The following DCBLD1 variants were observed in gnomAD, a reference collection of about 807,000 sequenced individuals.
DCBLD1 encodes the protein discoidin, CUB and LCCL domain-containing protein 1.
In DCBLD1, 57 loss-of-function variants were observed where a neutral mutation model predicts 71.5. The observed-to-expected ratio is 0.80, with a 90% CI of 0.64 to 0.99. The LOEUF is 0.99. Among genes scored for constraint, DCBLD1 ranks in the 50% least tolerant of loss-of-function variants. The pLI is 0.00. For missense variants in DCBLD1, 891 were observed against 923.5 expected (o/e 0.96, Z 0.46); for synonymous variants, 380 against 363.8 (o/e 1.04, Z -0.51).
At chr6:117,569,488 G>A in intron 14 of DCBLD1, 1 of 1,522,258 alleles carries the variant, frequency 6.6e-7, no homozygotes, top group South Asian at 1.3e-5. Flanking sequence ...TACTACTTTA[G>A]AAACTTCGTA....
At position 117,521,546 on chromosome 6, in the gene DCBLD1, G is replaced by A. The variant is rs1323940181; in HGVS notation, c.482G>A (p.Arg161Gln). The A allele has an allele frequency of 1.3e-6, 2 of 1,570,360 alleles. No homozygotes were observed. Among genetic ancestry groups the A allele is most frequent in the Admixed American group, 2.2e-5 (1 of 46,472 alleles). The part of the protein sequence containing the change: ...DHPDLITCLE[R>Q]ASHYLKTEYS... ...ACAGATTTAATAACATGTTTGGAACGAGCTAGCCATTATTTGAAGACAGAA... is the reference window on the plus strand; with the variant it reads ...ACAGATTTAATAACATGTTTGGAACAAGCTAGCCATTATTTGAAGACAGAA... The change falls in exon 4 of 15, where the codon CGA becomes CAA. Residue 161 changes from arginine to glutamine, a missense_variant. Coordinates refer to ENST00000338728, the MANE Select transcript of DCBLD1 (RefSeq NM_001366458.2).
At chr6:117,491,938 T>C (rs1317338292) in intron 1 of DCBLD1, among the ~76,000 whole-genome samples, 57 of 152,210 alleles carry the variant, frequency 3.7e-4, no homozygotes, top group Non-Finnish European at 2.5e-4. Flanking sequence ...TAAGTGTTTT[T>C]GGTAAAAGTA....
chr6:117,506,661 G>C lies in DCBLD1; in HGVS notation c.325+2682G>C, dbSNP rs558747681. ...TTTGTCTTTCAGTGGCTGGCGCTCA[G>C]AGAGTGGACATTCCTGTGCAGCTGT... On this transcript the variant is annotated intron_variant, in intron 2 of 14. Coordinates refer to ENST00000338728, the MANE Select transcript of DCBLD1 (RefSeq NM_001366458.2). Among the ~76,000 whole-genome samples, 7 of 152,364 alleles carry C rather than the reference G, an allele frequency of 4.6e-5. No individual in the cohort carries two copies. In the South Asian group the frequency reaches 1.4e-3, roughly 32 times the overall value.
intron 14 of DCBLD1, among the ~76,000 whole-genome samples, chr6:117,565,335 G>C (rs1241594137): frequency 6.6e-6 from 1 of 152,134 alleles, no homozygotes; most frequent in Non-Finnish European, 1.5e-5. Flanking sequence ...CTAAATGGAA[G>C]AGTATTTTAA....
intron 6 of DCBLD1, among the ~76,000 whole-genome samples, chr6:117,532,628 G>A (rs1283921168): frequency 6.6e-6 from 1 of 152,224 alleles, no homozygotes; most frequent in African/African-American, 2.4e-5. Context: ...ACACTCTGAA[G>A]CCCTGGGGCA....
chr6:117,505,847 G>A (rs144405769), intron 2 of DCBLD1, among the ~76,000 whole-genome samples: 50 of 152,214 alleles, frequency 3.3e-4, no homozygotes, highest in Middle Eastern at 6.8e-3. Context: ...AATTAGCTAC[G>A]TATCTCAAGC....
chr6:117,538,907 CG>C, intron 8 of DCBLD1, 72 bp downstream of exon 8: 2 of 1,463,128 alleles, frequency 1.4e-6, no homozygotes, highest in Non-Finnish European at 1.9e-6. Flanking sequence ...GTTGAAAATA[CG>C]CTTATTGTTT....
At chr6:117,514,237 A>G (rs891496348) in intron 2 of DCBLD1, among the ~76,000 whole-genome samples, 2 of 152,158 alleles carry the variant, frequency 1.3e-5, no homozygotes, top group South Asian at 2.1e-4. Context: ...CCAGTATTCA[A>G]CTCTTATCCC....
At chr6:117,514,366 A>C (rs1778122100) in intron 2 of DCBLD1, among the ~76,000 whole-genome samples, 1 of 152,118 alleles carries the variant, frequency 6.6e-6, no homozygotes, top group African/African-American at 2.4e-5. Context: ...CACTTTGAGG[A>C]GGCTGAGATG....
chr6:117,506,969 A>T (rs553395499), intron 2 of DCBLD1, among the ~76,000 whole-genome samples: 1 of 152,190 alleles, frequency 6.6e-6, no homozygotes, highest in Admixed American at 6.5e-5. Context: ...ATCCTGCCCG[A>T]TATTTTTTAT....
rs1400621283 is a variant in DCBLD1, at chr6:117,548,415, G to A, written c.2124G>A (p.Gln708=). Residue 708 remains glutamine (Q), a synonymous_variant, in exon 15 of 15, where the codon CAG becomes CAA. Coordinates refer to ENST00000338728, the MANE Select transcript of DCBLD1 (RefSeq NM_001366458.2). The part of the protein sequence containing the change: ...APRDCLTPLN[Q]TAMTALL ...GAGACTGCCTCACACCCCTCAACCA[G>A]ACGGCCATGACTGCCCTTTTGTGAA... 6.4e-7 allele frequency: 1 copy of A among 1,550,692 alleles called. No individual in the cohort carries two copies. Among genetic ancestry groups the A allele is most frequent in the Non-Finnish European group, 8.7e-7 (1 of 1,147,008 alleles).
intron 1 of DCBLD1, 59 bp from the exon 2 acceptor site, chr6:117,503,708 C>T: frequency 1.5e-5 from 23 of 1,565,876 alleles, no homozygotes; most frequent in Non-Finnish European, 2.0e-5. Flanking sequence ...GACTCTCAAT[C>T]CTCAGTAAGA....
intron 1 of DCBLD1, among the ~76,000 whole-genome samples, chr6:117,493,016 C>G (rs542419514): frequency 6.7e-4 from 102 of 152,130 alleles, no homozygotes; most frequent in Non-Finnish European, 2.8e-4. Flanking sequence ...GTTGCCTGTC[C>G]TAGACTTATA....
intron 1 of DCBLD1, among the ~76,000 whole-genome samples, chr6:117,489,753 C>T (rs1310072968): frequency 2.0e-5 from 3 of 152,102 alleles, no homozygotes; most frequent in African/African-American, 7.2e-5. Context: ...GGCGTGGTGG[C>T]GGGTGCCTGT....
At chr6:117,543,868 T>C (rs1371679016) in intron 12 of DCBLD1, among the ~76,000 whole-genome samples, 1 of 152,216 alleles carries the variant, frequency 6.6e-6, no homozygotes, top group Non-Finnish European at 1.5e-5. Flanking sequence ...TGTTTCCTTA[T>C]GTATAAAATA....
chr6:117,555,165 C>G (rs888319649), intron 14 of DCBLD1, among the ~76,000 whole-genome samples: 8 of 152,102 alleles, frequency 5.3e-5, no homozygotes, highest in African/African-American at 1.9e-4. Context: ...TCCTTGGGAA[C>G]AGTTTTGGTA....
chr6:117,507,754 C>T (rs183400640), intron 2 of DCBLD1, among the ~76,000 whole-genome samples: 4 of 152,296 alleles, frequency 2.6e-5, no homozygotes, highest in Non-Finnish European at 5.9e-5. Flanking sequence ...AGTTATTTTA[C>T]AGAATGTCTG....
At chr6:117,556,607 T>C (rs112742910) in intron 14 of DCBLD1, among the ~76,000 whole-genome samples, 302 of 152,362 alleles carry the variant, frequency 2.0e-3, no homozygotes, top group African/African-American at 6.9e-3. Flanking sequence ...ACATTTTCTT[T>C]ATCCAGTCAT....
chr6:117,533,752 G>A (rs1303620664), intron 6 of DCBLD1, among the ~76,000 whole-genome samples: 1 of 152,176 alleles, frequency 6.6e-6, no homozygotes. Context: ...AGATTACAGG[G>A]TTAGAGTCAA....
Sources: gnomAD v4.1 joint callset for allele counts (sites outside exome capture counted in the v4.1 genomes callset) on GRCh38, gnomAD v4.1.1 for gene constraint, MANE v1.5 for transcripts, NCBI Gene and HGNC (gene_info 2026-07-23, HGNC 2026-07-21) for gene names.